SLC26A7: variants seen among roughly 807,000 people sequenced by gnomAD.
SLC26A7 encodes solute carrier family 26 member 7, also known as anion exchange transporter.
A neutral mutation model predicts 82.5 loss-of-function variants in SLC26A7; 59 were observed. The ratio of observed to expected loss-of-function variants is 0.72; its 90% CI spans 0.58 to 0.89. SLC26A7 has a LOEUF of 0.89. SLC26A7 is among the 40% of genes least tolerant of loss of function. SLC26A7 has a pLI of 0.00. For missense variants in SLC26A7, 820 were observed against 793.0 expected (o/e 1.03, Z -0.41); for synonymous variants, 271 against 274.3 (o/e 0.99, Z 0.12).
chr8:91,393,639 G>C (rs1412134433), intron 16 of SLC26A7, among the ~76,000 whole-genome samples, 158 bp from the exon 17 acceptor site: 1 of 152,126 alleles, frequency 6.6e-6, no homozygotes, highest in Non-Finnish European at 1.5e-5. Context: ...TTAGACGCTT[G>C]CCAGATTATG....
At chr8:91,388,514 A>C (rs776933614) in intron 15 of SLC26A7, among the ~76,000 whole-genome samples, 1 of 152,068 alleles carries the variant, frequency 6.6e-6, no homozygotes, top group Non-Finnish European at 1.5e-5. Context: ...TTAAGAATTA[A>C]TTTTTTCAGA....
intron 15 of SLC26A7, among the ~76,000 whole-genome samples, chr8:91,376,347 T>G (rs2130888406): frequency 6.6e-6 from 1 of 152,346 alleles, no homozygotes; most frequent in South Asian, 2.1e-4. Context: ...CTGAAGGAGC[T>G]CTTGCTTATT....
At position 91,397,683 on chromosome 8, in the gene SLC26A7, A is replaced by G. The variant is rs1199043122; in HGVS notation, c.*2586A>G. The G allele has an allele frequency of 1.3e-5, 2 of 152,528 alleles. No individual in the cohort carries two copies. The highest frequency in any genetic ancestry group is 6.6e-5 in the Admixed American group (1 of 15,260). The allele number at this position is 152,528 out of a possible 1,614,324, so 9.4% of individuals were successfully genotyped here. A position where few individuals can be genotyped will look rare whatever the true frequency, so the allele number is the denominator to read the frequency against. ...CCCGATTATATGATTCAAGTGTTAT[A>G]AGTTTTAGCTTGAACTACTTTGCAG... On this transcript the variant is annotated 3_prime_UTR_variant, in exon 19 of 19. Transcript: ENST00000276609.
chr8:91,234,823 ACCTACTTCCTTCCTTCCTTCCTTC>A, intron 2 of SLC26A7, among the ~76,000 whole-genome samples: 1 of 74,372 alleles, frequency 1.3e-5, no homozygotes, highest in African/African-American at 6.9e-5. Context: ...CTACCTACCT[ACCTACTTCCTTCCTTCCTTCCTTC>A]CTTCCTTCCT....
chr8:91,388,342 G>A (rs1814858976), intron 15 of SLC26A7, among the ~76,000 whole-genome samples: 1 of 151,894 alleles, frequency 6.6e-6, no homozygotes, highest in Admixed American at 6.5e-5. Context: ...CGCCTCCCGG[G>A]TTAACGCCAT....
chr8:91,293,314 G>T (rs899958282), intron 3 of SLC26A7, among the ~76,000 whole-genome samples: 3 of 152,138 alleles, frequency 2.0e-5, no homozygotes, highest in African/African-American at 7.2e-5. Context: ...GCCTAACCAG[G>T]GTAAAATGTT....
Position 91,394,087 on chromosome 8 carries a change from A to G in SLC26A7, c.1935+48A>G, listed in dbSNP as rs759189903. 6.3e-6 allele frequency: 10 copies of G among 1,594,792 alleles called. No individual in the cohort carries two copies. The Admixed American group carries it at 1.2e-4, about 19-fold the overall frequency. On this transcript the variant is annotated intron_variant, in intron 18 of 18. Coordinates refer to ENST00000276609, the MANE Select transcript of SLC26A7 (RefSeq NM_052832.4). ...AAGGAGTTATAAGAATATTCAGAAT[A>G]TAGAATCGAAGCTTTGCATCTTTTA...
chr8:91,358,885 A>T (rs2130865377), intron 11 of SLC26A7, among the ~76,000 whole-genome samples: 1 of 152,226 alleles, frequency 6.6e-6, no homozygotes, highest in South Asian at 2.1e-4. Context: ...GAACAATGAG[A>T]ACACTCGGAC....
intron 8 of SLC26A7, chr8:91,343,084 A>G (rs1813463091): frequency 3.3e-6 from 1 of 303,648 alleles, no homozygotes; most frequent in Non-Finnish European, 6.3e-6. Context: ...GATGGAGGAG[A>G]AATTGATGAC....
chr8:91,305,894 C>T (rs1397074145), intron 4 of SLC26A7, among the ~76,000 whole-genome samples: 1 of 152,012 alleles, frequency 6.6e-6, no homozygotes. Flanking sequence ...TTTAAATGGC[C>T]ATTCTATCAT....
At chr8:91,215,973 T>C (rs1016818073) in intron 1 of SLC26A7, among the ~76,000 whole-genome samples, 2 of 152,196 alleles carry the variant, frequency 1.3e-5, no homozygotes, top group Non-Finnish European at 2.9e-5. Context: ...TTTCATGTTA[T>C]GCAAACATTA....
rs577490380 is a variant in SLC26A7, at chr8:91,209,936, G to T, written c.-150+394G>T. Among the ~76,000 whole-genome samples the T allele has an allele frequency of 2.0e-5, 3 of 152,050 alleles. No individual in the cohort carries two copies. In the South Asian group the frequency reaches 6.2e-4, roughly 32 times the overall value. ...TTACTGAGTTCTTACTATATGCAAGGTACTATGCTAAGCTCTCTGGATCCA... is the reference window on the plus strand; with the variant it reads ...TTACTGAGTTCTTACTATATGCAAGTTACTATGCTAAGCTCTCTGGATCCA... On this transcript the variant is annotated intron_variant, in intron 1 of 5. Coordinates refer to the SLC26A7 transcript ENST00000522862.
intron 3 of SLC26A7, among the ~76,000 whole-genome samples, chr8:91,291,978 T>G (rs1352399349): frequency 1.3e-5 from 2 of 152,188 alleles, no homozygotes; most frequent in African/African-American, 4.8e-5. Context: ...ATTAGTTTTT[T>G]ATCCCAGTAT....
At chr8:91,265,257 T>G (rs1257003972) in intron 2 of SLC26A7, among the ~76,000 whole-genome samples, 1 of 152,078 alleles carries the variant, frequency 6.6e-6, no homozygotes, top group Admixed American at 6.6e-5. Flanking sequence ...TTCCATGGTT[T>G]ATACTGCAGT....
chr8:91,330,543 A>C (rs568904038), intron 5 of SLC26A7, among the ~76,000 whole-genome samples: 29 of 152,308 alleles, frequency 1.9e-4, no homozygotes, highest in African/African-American at 7.0e-4. Flanking sequence ...GGCTACTATA[A>C]GAATAGCCTG....
intron 15 of SLC26A7, among the ~76,000 whole-genome samples, chr8:91,379,877 G>A (rs1022691382): frequency 2.6e-5 from 4 of 151,944 alleles, no homozygotes; most frequent in Non-Finnish European, 5.9e-5. Context: ...CAGAGTGGAA[G>A]AAGATAGATG....
intron 3 of SLC26A7, among the ~76,000 whole-genome samples, chr8:91,295,221 G>A (rs533180036): frequency 2.6e-5 from 4 of 152,296 alleles, no homozygotes; most frequent in Admixed American, 1.3e-4. Flanking sequence ...AATCCAGGCC[G>A]TAATCTTATT....
At chr8:91,334,187 A>G in intron 5 of SLC26A7, 108 bp from the exon 6 acceptor site, 1 of 1,057,100 alleles carries the variant, frequency 9.5e-7, no homozygotes, top group Non-Finnish European at 1.4e-6. Context: ...CTCCCTAGCC[A>G]TTAAGATAGT....
upstream of SLC26A7, among the ~76,000 whole-genome samples, chr8:91,246,499 A>G (rs1810545596): frequency 6.6e-6 from 1 of 152,192 alleles, no homozygotes; most frequent in Non-Finnish European, 1.5e-5. Context: ...TGGAAGAGGT[A>G]AACATTGAGT....
Sources: allele counts gnomAD v4.1 joint callset (sites outside exome capture counted in the v4.1 genomes callset), GRCh38; gene constraint gnomAD v4.1.1; transcripts MANE v1.5; gene names NCBI Gene and HGNC (gene_info 2026-07-23, HGNC 2026-07-21).